Variants in MYO10 observed in about 807,000 individuals in gnomAD.
MYO10 encodes the protein myosin X.
MYO10 carries 133 observed loss-of-function variants against 257.3 expected under a neutral mutation model. The observed-to-expected ratio is 0.52, with a 90% CI of 0.45 to 0.60. The LOEUF (loss-of-function observed/expected upper bound fraction) is 0.60. MYO10 is among the 20% of genes least tolerant of loss of function. The pLI, the probability that MYO10 is intolerant of heterozygous loss-of-function variation, is 0.00. For missense variants in MYO10, 2,399 were observed against 2,635.7 expected (o/e 0.91, Z 1.97); for synonymous variants, 1,104 against 1,028.6 (o/e 1.07, Z -1.40).
chr5:16,666,655 G>C lies in MYO10; in HGVS notation c.*37C>G, dbSNP rs770765341. 6.5e-7 allele frequency: 1 copy of C among 1,533,862 alleles called. No individual in the cohort carries two copies. The highest frequency in any genetic ancestry group is 2.4e-5 in the East Asian group (1 of 42,320). On this transcript the variant is annotated 3_prime_UTR_variant, in exon 41 of 41. Transcript: ENST00000513610. ...GCCAGCCTAGGCCAGAGGGTGGTGC[G>C]TTCAGGTAGCAAAGACAGGTGGGCT...
At chr5:16,818,305 A>G in intron 2 of MYO10, 138 bp from the exon 3 acceptor site, 2 of 719,586 alleles carry the variant, frequency 2.8e-6, no homozygotes, top group Non-Finnish European at 4.3e-6. Context: ...AATATATCGC[A>G]AAAATCTCTT....
intron 2 of MYO10, among the ~76,000 whole-genome samples, chr5:16,833,962 C>T (rs1226689643): frequency 6.6e-6 from 1 of 152,122 alleles, no homozygotes; most frequent in Non-Finnish European, 1.5e-5. Flanking sequence ...ACAGTTGTTT[C>T]CCAATCACTT....
At position 16,854,055 on chromosome 5, in the gene MYO10, GT is replaced by G. The variant is rs1386069427; in HGVS notation, c.120+23553del. 4 of 152,110 alleles carry G rather than the reference GT, an allele frequency of 2.6e-5. No individual in the cohort carries two copies. In the East Asian group the frequency reaches 5.8e-4, roughly 22 times the overall value. 9.4% of individuals were successfully genotyped at this position (152,110 alleles called of 1,614,324 possible). ...GTCTGATCTCGTGAAGCTAAGCAGG[GT>G]ATTGGGCCTGGTTAATACTCGGATG... On this transcript the variant is annotated intron_variant, in intron 2 of 40. Transcript: ENST00000513610.
intron 4 of MYO10, among the ~76,000 whole-genome samples, chr5:16,794,149 G>A (rs1346531021): frequency 2.0e-5 from 3 of 151,910 alleles, no homozygotes; most frequent in South Asian, 4.1e-4. Context: ...TTAACTTTAA[G>A]AGCACCCTAT....
At chr5:16,796,706 C>T (rs1741983490) in intron 3 of MYO10, among the ~76,000 whole-genome samples, 1 of 152,226 alleles carries the variant, frequency 6.6e-6, no homozygotes, top group African/African-American at 2.4e-5. Flanking sequence ...TAACCACCAA[C>T]CAACTTTTAC....
chr5:16,826,357 T>C (rs1244363760), intron 2 of MYO10, among the ~76,000 whole-genome samples: 2 of 152,132 alleles, frequency 1.3e-5, no homozygotes, highest in African/African-American at 2.4e-5. Context: ...AGACAACTCA[T>C]AGAATTACCA....
chr5:16,862,534 A>G (rs1308541109), intron 2 of MYO10, among the ~76,000 whole-genome samples: 1 of 152,152 alleles, frequency 6.6e-6, no homozygotes, highest in Non-Finnish European at 1.5e-5. Context: ...AGGCCTTCGC[A>G]TTTTTCACAA....
intron 1 of MYO10, among the ~76,000 whole-genome samples, chr5:16,921,676 C>T (rs1361537667): frequency 1.3e-5 from 2 of 150,922 alleles, no homozygotes; most frequent in African/African-American, 2.4e-5. Context: ...TGAGGAAGAT[C>T]GAAAAAATAC....
intron 2 of MYO10, among the ~76,000 whole-genome samples, chr5:16,875,958 C>G (rs985551559): frequency 2.0e-5 from 3 of 151,920 alleles, no homozygotes; most frequent in Non-Finnish European, 2.9e-5. Context: ...ACTAAAAATA[C>G]AAAAATTAGT....
intron 14 of MYO10, 59 bp downstream of exon 14, chr5:16,763,422 T>G: frequency 7.5e-7 from 1 of 1,330,752 alleles, no homozygotes; most frequent in Admixed American, 1.7e-5. Flanking sequence ...TTCCCATAAA[T>G]ATGAATCAGT....
At chr5:16,916,171 C>T (rs767826129) in intron 1 of MYO10, 24 of 455,720 alleles carry the variant, frequency 5.3e-5, no homozygotes, top group Admixed American at 2.1e-4. Context: ...CTCCAGAGAC[C>T]TTCGTTCCGC....
rs763156137 is a variant in MYO10 at position 16,673,884 on chromosome 5, C to T, written c.4970G>A (p.Arg1657Gln). ...KYLKFHLKRI[R>Q]EQFPGSEMEK... ...CATCTCGCTTCCTGGAAACTGTTCC[C>T]GTATCCTAGGAGGCAAACACTAACT... The change falls in exon 36 of 41, where the codon CGG becomes CAG. Residue 1657 changes from arginine (R) to glutamine (Q), a missense_variant. Coordinates refer to ENST00000513610, the MANE Select transcript of MYO10 (RefSeq NM_012334.3). 1.7e-5 allele frequency: 27 copies of T among 1,613,612 alleles called. 1 individual carries two copies. The highest frequency in any genetic ancestry group is 7.7e-5 in the South Asian group (7 of 91,066).
rs1406372904 is a variant in MYO10 at position 16,672,673 on chromosome 5, G to A, written c.5309+16C>T. The A allele has an allele frequency of 6.2e-7, 1 of 1,613,680 alleles. No homozygotes were observed. Among genetic ancestry groups the A allele is most frequent in the African/African-American group, 1.3e-5 (1 of 74,918 alleles). On this transcript the variant is annotated intron_variant, in intron 37 of 40. Coordinates refer to ENST00000513610, the MANE Select transcript of MYO10 (RefSeq NM_012334.3). Reference sequence around the variant, plus strand: ...TCTTATTTGCTCTTCTGACACAGTAGGGAAAAGGAACCTACTTTTCAAACT... The same window carrying A: ...TCTTATTTGCTCTTCTGACACAGTAAGGAAAAGGAACCTACTTTTCAAACT...
chr5:16,725,286 G>A (rs1482930917), intron 19 of MYO10, among the ~76,000 whole-genome samples: 1 of 151,824 alleles, frequency 6.6e-6, no homozygotes, highest in African/African-American at 2.4e-5. Flanking sequence ...AGTAGAGACG[G>A]GGTTTCACCA....
At chr5:16,828,374 G>C (rs889063194) in intron 2 of MYO10, among the ~76,000 whole-genome samples, 3 of 152,058 alleles carry the variant, frequency 2.0e-5, no homozygotes, top group Admixed American at 2.0e-4. Flanking sequence ...GGGAAGACGA[G>C]GTCAGCATTT....
chr5:16,854,267 T>C (rs1743897291), intron 2 of MYO10, among the ~76,000 whole-genome samples: 1 of 152,230 alleles, frequency 6.6e-6, no homozygotes, highest in African/African-American at 2.4e-5. Flanking sequence ...CTAGCTATAT[T>C]TCTTCTAGGT....
chr5:16,819,012 A>G (rs1050958549), intron 2 of MYO10, among the ~76,000 whole-genome samples: 39 of 152,194 alleles, frequency 2.6e-4, no homozygotes, highest in Non-Finnish European at 2.8e-4. Context: ...TTAATTATTA[A>G]TTTAAGTACT....
intron 2 of MYO10, among the ~76,000 whole-genome samples, chr5:16,836,987 T>C (rs546133493): frequency 6.6e-6 from 1 of 152,308 alleles, no homozygotes; most frequent in African/African-American, 2.4e-5. Flanking sequence ...GGTGTGACTA[T>C]ACCAGGGAGT....
intron 19 of MYO10, among the ~76,000 whole-genome samples, chr5:16,711,851 T>C (rs555808137): frequency 2.0e-5 from 3 of 152,262 alleles, no homozygotes; most frequent in African/African-American, 7.2e-5. Context: ...CTATATGTCA[T>C]GTGTTAATAT....
Sources: allele counts gnomAD v4.1 joint callset (sites outside exome capture counted in the v4.1 genomes callset), GRCh38; gene constraint gnomAD v4.1.1; transcripts MANE v1.5; gene names NCBI Gene and HGNC (gene_info 2026-07-23, HGNC 2026-07-21).